Variants in ACSBG1 observed in about 807,000 individuals in gnomAD.
The protein encoded by ACSBG1 is acyl-CoA synthetase bubblegum family member 1, also known as long-chain-fatty-acid--CoA ligase ACSBG1.
A neutral mutation model predicts 80.2 loss-of-function variants in ACSBG1; 39 were observed. The ratio of observed to expected loss-of-function variants is 0.49; its 90% CI spans 0.38 to 0.64. ACSBG1 has a LOEUF of 0.64. ACSBG1 is among the 30% of genes least tolerant of loss of function. The pLI is 0.00. For missense variants in ACSBG1, 828 were observed against 966.4 expected, an observed-to-expected ratio of 0.86 and a Z score of 1.90; for synonymous variants, 392 against 379.5, an observed-to-expected ratio of 1.03 and a Z score of -0.38.
At chr15:78,192,989 C>G (rs539146681) in intron 5 of ACSBG1, among the ~76,000 whole-genome samples, 3 of 152,140 alleles carry the variant, frequency 2.0e-5, no homozygotes, top group Non-Finnish European at 2.9e-5. Context: ...ATCATCAATG[C>G]TCCAGAAAAG....
At position 78,178,914 on chromosome 15, in the gene ACSBG1, C is replaced by A; in HGVS notation, c.1485-83G>T. The A allele has an allele frequency of 7.3e-7, 1 of 1,371,666 alleles. No homozygotes were observed. Among genetic ancestry groups the A allele is most frequent in the South Asian group, 1.4e-5 (1 of 72,264 alleles). The allele number at this position is 1,371,666 out of a possible 1,614,324, so 85.0% of individuals were successfully genotyped here. A position where few individuals can be genotyped will look rare whatever the true frequency, so the allele number is the denominator to read the frequency against. ...CTGGGGAGCCGGGGTCCCAACTGCT[C>A]GGTCTTCACTGATTGCTAGAAGGTA... On this transcript the variant is annotated intron_variant, in intron 10 of 13. Transcript: ENST00000258873. This position sits in a 1 kb window ranked among gnomAD's most constrained non-coding sequence, Gnocchi z 4.3.
At position 78,173,681 on chromosome 15, in the gene ACSBG1, C is replaced by A. The variant is rs1361360672; in HGVS notation, c.2001G>T (p.Arg667Ser). ...GCCGGGCCGCCGCGTTCATGTTGAC[C>A]CTCCGGATCCCCTCTTCGATGGCCT... ...VYQAIEEGIRRVNMNAAARPY... is the reference protein window; with the variant it reads ...VYQAIEEGIRSVNMNAAARPY... The change falls in exon 13 of 14, where the codon AGG becomes AGT. Residue 667 changes from arginine (R) to serine (S), a missense_variant. Transcript: ENST00000258873. 1.2e-6 allele frequency: 2 copies of A among 1,614,200 alleles called. No individual in the cohort carries two copies. The highest frequency in any genetic ancestry group is 4.5e-5 in the East Asian group (2 of 44,886).
chr15:78,185,108 A>C (rs1461503965), intron 5 of ACSBG1, among the ~76,000 whole-genome samples: 1 of 151,774 alleles, frequency 6.6e-6, no homozygotes, highest in East Asian at 1.9e-4. Flanking sequence ...TGTCTTACTG[A>C]GTTGAGGTGA....
chr15:78,179,834 C>G, intron 9 of ACSBG1, 54 bp from the exon 10 acceptor site: 2 of 1,314,636 alleles, frequency 1.5e-6, no homozygotes, highest in Non-Finnish European at 2.2e-6. Flanking sequence ...CACACACACA[C>G]ACACACACAT....
chr15:78,225,496 G>T (rs2075393431), intron 1 of ACSBG1, among the ~76,000 whole-genome samples: 1 of 151,682 alleles, frequency 6.6e-6, no homozygotes, highest in African/African-American at 2.4e-5. Flanking sequence ...AAAATTTCTA[G>T]AAATGTTTAA....
chr15:78,215,724 GAGAAAGAA>G (rs56078523), intron 1 of ACSBG1, among the ~76,000 whole-genome samples: 12,955 of 116,386 alleles, frequency 0.11, 706 homozygotes, highest in Non-Finnish European at 0.12. Flanking sequence ...AAGAAAGAAA[GAGAAAGAA>G]AGAAAGAAAG....
chr15:78,190,074 T>TAAAAAA (rs1321083056), intron 5 of ACSBG1, among the ~76,000 whole-genome samples: 1 of 151,982 alleles, frequency 6.6e-6, no homozygotes, highest in Non-Finnish European at 1.5e-5. Flanking sequence ...TGTGGGTAAA[T>TAAAAAA]ATGAAACATA....
chr15:78,233,495 G>A (rs1048453037), intron 1 of ACSBG1, among the ~76,000 whole-genome samples: 5 of 152,146 alleles, frequency 3.3e-5, no homozygotes, highest in Non-Finnish European at 5.9e-5. Context: ...CTATGCTTCC[G>A]CCACCCAGAC....
chr15:78,187,506 A>C (rs1347233666), intron 5 of ACSBG1, among the ~76,000 whole-genome samples: 3 of 152,250 alleles, frequency 2.0e-5, no homozygotes, highest in African/African-American at 7.2e-5. Context: ...CCTGGAATGC[A>C]AGGCTGGTTC....
intron 11 of ACSBG1, among the ~76,000 whole-genome samples, chr15:78,175,607 G>C (rs2074875007): frequency 6.6e-6 from 1 of 152,230 alleles, no homozygotes; most frequent in Admixed American, 6.5e-5. Context: ...AGGCTGGAGA[G>C]GAGCAGGGAA....
At chr15:78,187,632 T>C (rs889121230) in intron 5 of ACSBG1, among the ~76,000 whole-genome samples, 129 of 152,332 alleles carry the variant, frequency 8.5e-4, no homozygotes, top group African/African-American at 2.7e-3. Flanking sequence ...CAACCCTTCA[T>C]GATAAAAACT....
At chr15:78,171,731 G>A (rs963616999) in intron 13 of ACSBG1, 19 of 507,738 alleles carry the variant, frequency 3.7e-5, no homozygotes, top group African/African-American at 3.7e-4. Context: ...TATACCACTG[G>A]TTGTGGCCAG....
chr15:78,227,546 A>G (rs1367882163), intron 1 of ACSBG1, among the ~76,000 whole-genome samples: 1 of 152,158 alleles, frequency 6.6e-6, no homozygotes, highest in African/African-American at 2.4e-5. Context: ...AAAGAGTAAC[A>G]ATACCCACTG....
intron 1 of ACSBG1, among the ~76,000 whole-genome samples, chr15:78,229,207 C>G (rs2075427566): frequency 6.6e-6 from 1 of 151,952 alleles, no homozygotes; most frequent in African/African-American, 2.4e-5. Context: ...TTGTTATATT[C>G]TTCAGTGCTT....
intron 2 of ACSBG1, 98 bp downstream of exon 2, chr15:78,207,904 T>A: frequency 3.2e-6 from 3 of 924,400 alleles, no homozygotes; most frequent in Non-Finnish European, 5.1e-6. Flanking sequence ...CTTCCCGCAG[T>A]TCTGTGTGGT....
chr15:78,169,098 T>C lies in ACSBG1; in HGVS notation c.*2346A>G, dbSNP rs932846633. Reference sequence around the variant, plus strand: ...CCTACGTATGTATGCATTGGTTTGCTTGTTTCTTGACAGTACATTTTTAGA... The same window carrying C: ...CCTACGTATGTATGCATTGGTTTGCCTGTTTCTTGACAGTACATTTTTAGA... On this transcript the variant is annotated 3_prime_UTR_variant, in exon 14 of 14. Transcript: ENST00000258873. 1.4e-5 allele frequency: 10 copies of C among 732,880 alleles called. No individual in the cohort carries two copies. Among genetic ancestry groups the C allele is most frequent in the Non-Finnish European group, 2.2e-5 (10 of 447,386 alleles). 45.4% of individuals were successfully genotyped at this position (732,880 alleles called of 1,614,324 possible).
rs773566057 is a variant in ACSBG1, at chr15:78,180,815, C to T, written c.1193G>A (p.Arg398Gln). The T allele has an allele frequency of 1.1e-5, 18 of 1,614,094 alleles. No homozygotes were observed. Among genetic ancestry groups the T allele is most frequent in the East Asian group, 2.2e-5 (1 of 44,902 alleles). Residue 398 changes from arginine to glutamine, a missense_variant, in exon 9 of 14, where the codon CGA becomes CAA. Physicochemically the swap from Arg to Gln is conservative, Grantham distance 43 (BLOSUM62 1). Transcript: ENST00000258873. ...EVAAQSGFIR[R>Q]KMLLWAMSVT... ...CGACATGGCCCACAGCAGCATCTTT[C>T]GCCGGATGAAGCCAGACTGAGCCGC...
intron 4 of ACSBG1, 76 bp from the exon 5 acceptor site, chr15:78,193,702 A>G: frequency 7.1e-7 from 1 of 1,411,096 alleles, no homozygotes; most frequent in South Asian, 1.3e-5. Flanking sequence ...CCACATCTGT[A>G]GCCCCCAGAC....
At chr15:78,175,461 A>AG (rs1429640670) in intron 11 of ACSBG1, among the ~76,000 whole-genome samples, 1 of 152,216 alleles carries the variant, frequency 6.6e-6, no homozygotes, top group African/African-American at 2.4e-5. Context: ...AGGGAGGCAC[A>AG]GGGGCTGCAG....
Sources: gnomAD v4.1 joint callset for allele counts (sites outside exome capture counted in the v4.1 genomes callset) on GRCh38, gnomAD v4.1.1 for gene constraint, Gnocchi (gnomAD v3.1) non-coding constraint, MANE v1.5 for transcripts, NCBI Gene and HGNC (gene_info 2026-07-23, HGNC 2026-07-21) for gene names.